NUP93: variants seen among roughly 807,000 people sequenced by gnomAD.
NUP93 encodes the protein nuclear pore complex protein Nup93.
A neutral mutation model predicts 107.8 loss-of-function variants in NUP93; 55 were observed. The ratio of observed to expected loss-of-function variants is 0.51; its 90% CI spans 0.41 to 0.64. The LOEUF (loss-of-function observed/expected upper bound fraction) is 0.64. Ranked by LOEUF, NUP93 falls within the 30% of genes least tolerant of loss-of-function variation. NUP93 has a pLI of 0.00. For synonymous variants in NUP93, 390 were observed against 397.5 expected (o/e 0.98, Z 0.22); for missense variants, 937 against 1,044.7 (o/e 0.90, Z 1.42).
intron 2 of NUP93, among the ~76,000 whole-genome samples, chr16:56,752,633 TG>T (rs1453524091): frequency 2.6e-5 from 4 of 152,174 alleles, no homozygotes; most frequent in Non-Finnish European, 5.9e-5. Flanking sequence ...TGGGATTTTT[TG>T]CCGAAAGTGA....
intron 3 of NUP93, among the ~76,000 whole-genome samples, chr16:56,784,041 A>G (rs1490034557): frequency 2.0e-5 from 3 of 152,164 alleles, no homozygotes; most frequent in East Asian, 1.9e-4. Flanking sequence ...CAGGTGTGAT[A>G]TATATACTTA....
At chr16:56,769,896 CTTGTA>C (rs1567381805) in intron 3 of NUP93, among the ~76,000 whole-genome samples, 2 of 152,142 alleles carry the variant, frequency 1.3e-5, no homozygotes, top group East Asian at 1.9e-4. Context: ...ATGTTGAAAT[CTTGTA>C]TTGTATAATA....
At chr16:56,794,571 A>T (rs183102387) in intron 3 of NUP93, among the ~76,000 whole-genome samples, 1 of 137,288 alleles carries the variant, frequency 7.3e-6, no homozygotes. Context: ...TTGTGTTGTA[A>T]GTGTGTGTGT....
rs2144631326 is a variant in NUP93, at chr16:56,831,996, C to T, written c.1240C>T (p.Leu414=). ...SEVADKTEDY[L]WLKLNQVCFD... ...AGTGGCGGACAAAACTGAGGATTACCTGTGGCTGAAGGTAGGCACTGTTTC... is the reference window on the plus strand; with the variant it reads ...AGTGGCGGACAAAACTGAGGATTACTTGTGGCTGAAGGTAGGCACTGTTTC... The change falls in exon 11 of 22, where the codon CTG becomes TTG. Residue 414 remains leucine (L), a synonymous_variant. Coordinates refer to ENST00000308159, the MANE Select transcript of NUP93 (RefSeq NM_014669.5). 3.7e-6 allele frequency: 6 copies of T among 1,614,104 alleles called. No homozygotes were observed. The highest frequency in any genetic ancestry group is 5.1e-6 in the Non-Finnish European group (6 of 1,179,982).
At chr16:56,840,580 A>C (rs972246132) in intron 20 of NUP93, among the ~76,000 whole-genome samples, 9 of 152,324 alleles carry the variant, frequency 5.9e-5, no homozygotes, top group Middle Eastern at 6.8e-3. Context: ...ATTCTTCTCT[A>C]GAACTATAAA....
At chr16:56,761,270 CT>C (rs775620928) in intron 3 of NUP93, among the ~76,000 whole-genome samples, 2 of 152,174 alleles carry the variant, frequency 1.3e-5, no homozygotes, top group African/African-American at 2.4e-5. Context: ...GCTTAATAAA[CT>C]TCCTATACAC....
At chr16:56,813,388 A>G (rs1963356188) in intron 5 of NUP93, among the ~76,000 whole-genome samples, 1 of 152,238 alleles carries the variant, frequency 6.6e-6, no homozygotes, top group Non-Finnish European at 1.5e-5. Context: ...ATGAACTAAC[A>G]GTTTGAAAAC....
intron 3 of NUP93, among the ~76,000 whole-genome samples, chr16:56,768,665 G>A (rs1962260630): frequency 6.6e-6 from 1 of 151,214 alleles, no homozygotes; most frequent in Non-Finnish European, 1.5e-5. Flanking sequence ...AGGAGATCGA[G>A]ACCATCCTGG....
At chr16:56,773,475 C>G (rs1175787863) in intron 3 of NUP93, among the ~76,000 whole-genome samples, 1 of 152,220 alleles carries the variant, frequency 6.6e-6, no homozygotes, top group Non-Finnish European at 1.5e-5. Flanking sequence ...TTTGTATTAA[C>G]TTTCTAGCTC....
intron 2 of NUP93, among the ~76,000 whole-genome samples, chr16:56,752,709 A>G (rs1034741265): frequency 4.6e-5 from 7 of 152,238 alleles, no homozygotes; most frequent in South Asian, 2.1e-4. Context: ...AATCTTTAAA[A>G]AGCAGAAGAA....
chr16:56,732,279 C>G (rs1961548107), intron 1 of NUP93, among the ~76,000 whole-genome samples: 1 of 152,168 alleles, frequency 6.6e-6, no homozygotes, highest in African/African-American at 2.4e-5. Context: ...CTGATGTGTT[C>G]CTAGCACCTA....
chr16:56,833,984 C>A, intron 13 of NUP93, 144 bp from the exon 14 acceptor site: 1 of 1,098,996 alleles, frequency 9.1e-7, no homozygotes, highest in Non-Finnish European at 1.3e-6. Flanking sequence ...GTAAAAGGGA[C>A]TGGCCAAAGC....
chr16:56,801,159 C>T (rs1473596965), intron 4 of NUP93, among the ~76,000 whole-genome samples: 1 of 152,216 alleles, frequency 6.6e-6, no homozygotes, highest in Non-Finnish European at 1.5e-5. Context: ...CTTAGACTCT[C>T]ATTGCCCTCC....
At chr16:56,732,694 T>G (rs1961554076) in intron 1 of NUP93, among the ~76,000 whole-genome samples, 1 of 152,174 alleles carries the variant, frequency 6.6e-6, no homozygotes, top group South Asian at 2.1e-4. Context: ...GGGGACAGGT[T>G]GGAGCAAAGA....
rs12596989 is a variant in NUP93 at position 56,816,280 on chromosome 16, G to T, written c.490-2384G>T. 1.6e-4 allele frequency among the ~76,000 whole-genome samples: 25 copies of T among 152,312 alleles called. No individual in the cohort carries two copies. The East Asian group carries it at 4.6e-3, about 28-fold the overall frequency. The stretch of plus-strand genomic sequence containing the variant: ...CTGTTGTTATTATTGTAACCCAGTG[G>T]TTTTTTAAATTAAATCTGTGTTTCA... On this transcript the variant is annotated intron_variant, in intron 5 of 21. Coordinates refer to ENST00000308159, the MANE Select transcript of NUP93 (RefSeq NM_014669.5).
chr16:56,810,461 T>C (rs755872430), intron 5 of NUP93, among the ~76,000 whole-genome samples: 1 of 152,072 alleles, frequency 6.6e-6, no homozygotes, highest in African/African-American at 2.4e-5. Context: ...GGACCCCGTC[T>C]CTACAAAAAG....
rs113938067 is a variant in NUP93 at position 56,776,219 on chromosome 16, T to C, written c.297+17564T>C. Among the ~76,000 whole-genome samples the C allele has an allele frequency of 3.2e-3, 469 of 144,430 alleles. 2 individuals carry two copies. The highest frequency in any genetic ancestry group is 0.011 in the African/African-American group (444 of 40,400). 94.8% of individuals were successfully genotyped at this position (144,430 alleles called of 152,430 possible). A position where few individuals can be genotyped will look rare whatever the true frequency, so the allele number is the denominator to read the frequency against. ...AATTATAACCTGATAATGAAAGAAATACAGTTTTTTCCCCCCTTGTTTAAA... is the reference window on the plus strand; with the variant it reads ...AATTATAACCTGATAATGAAAGAAACACAGTTTTTTCCCCCCTTGTTTAAA... On this transcript the variant is annotated intron_variant, in intron 3 of 21. Transcript: ENST00000308159.
chr16:56,753,464 T>C (rs1961960852), intron 2 of NUP93, among the ~76,000 whole-genome samples: 1 of 152,190 alleles, frequency 6.6e-6, no homozygotes. Flanking sequence ...TGGGGAACTA[T>C]AGCCTTGCTA....
At chr16:56,740,146 G>C (rs1186185625) in intron 1 of NUP93, among the ~76,000 whole-genome samples, 1 of 143,532 alleles carries the variant, frequency 7.0e-6, no homozygotes, top group Admixed American at 6.9e-5. Flanking sequence ...CCTCCCTCCC[G>C]GACGGGGTGG....
Sources: gnomAD v4.1 joint callset for allele counts (sites outside exome capture counted in the v4.1 genomes callset) on GRCh38, gnomAD v4.1.1 for gene constraint, MANE v1.5 for transcripts, NCBI Gene and HGNC (gene_info 2026-07-23, HGNC 2026-07-21) for gene names.